FLT1: variants seen among roughly 807,000 people sequenced by gnomAD.
FLT1 encodes the protein vascular endothelial growth factor receptor 1.
In FLT1, 49 loss-of-function variants were observed where a neutral mutation model predicts 156.3. The observed-to-expected ratio is 0.31, with a 90% CI of 0.25 to 0.40. FLT1 has a LOEUF of 0.40. FLT1 is among the 10% of genes least tolerant of loss of function. The pLI is 1.00. For missense variants in FLT1, 1,322 were observed against 1,637.2 expected (o/e 0.81, Z 3.32); for synonymous variants, 594 against 583.8 (o/e 1.02, Z -0.25).
intron 25 of FLT1, among the ~76,000 whole-genome samples, chr13:28,315,068 G>T (rs548288885): frequency 6.6e-6 from 1 of 152,130 alleles, no homozygotes; most frequent in Admixed American, 6.5e-5. Context: ...AGCTGAATTC[G>T]CTTATTACCA....
intron 3 of FLT1, among the ~76,000 whole-genome samples, chr13:28,450,938 C>G (rs958162217): frequency 6.6e-6 from 1 of 152,174 alleles, no homozygotes; most frequent in Non-Finnish European, 1.5e-5. Flanking sequence ...CTTCAAATAT[C>G]CACACTCAGT....
chr13:28,316,590 T>C (rs950886637), intron 25 of FLT1, among the ~76,000 whole-genome samples: 2 of 151,556 alleles, frequency 1.3e-5, no homozygotes, highest in Non-Finnish European at 2.9e-5. Flanking sequence ...CGAAAAGCCA[T>C]CTGACCAGGC....
At chr13:28,435,848 A>G (rs1475337003) in intron 4 of FLT1, among the ~76,000 whole-genome samples, 1 of 152,210 alleles carries the variant, frequency 6.6e-6, no homozygotes, top group Non-Finnish European at 1.5e-5. Flanking sequence ...TCAAGGTGCT[A>G]CCTGTAAACT....
chr13:28,315,580 C>G (rs1461300036), intron 25 of FLT1, among the ~76,000 whole-genome samples: 1 of 152,012 alleles, frequency 6.6e-6, no homozygotes, highest in East Asian at 1.9e-4. Context: ...AAAAACCCAA[C>G]TAAACTAATT....
chr13:28,485,092 T>G (rs906159597), intron 1 of FLT1, among the ~76,000 whole-genome samples: 23 of 151,968 alleles, frequency 1.5e-4, no homozygotes, highest in Non-Finnish European at 2.6e-4. Flanking sequence ...AAAAGAAATA[T>G]TTGTCTGTAA....
At chr13:28,487,622 A>G (rs1417805621) in intron 1 of FLT1, among the ~76,000 whole-genome samples, 1 of 152,188 alleles carries the variant, frequency 6.6e-6, no homozygotes, top group African/African-American at 2.4e-5. Context: ...GTTAAGTGCA[A>G]ATACATTCCA....
intron 1 of FLT1, among the ~76,000 whole-genome samples, chr13:28,481,460 C>CAT (rs1251474064): frequency 1.3e-5 from 2 of 151,508 alleles, no homozygotes; most frequent in South Asian, 4.2e-4. Context: ...CACACACACA[C>CAT]ACACACACAC....
chr13:28,433,784 G>A, intron 6 of FLT1, 35 bp downstream of exon 6: 2 of 1,603,868 alleles, frequency 1.2e-6, no homozygotes, highest in Non-Finnish European at 1.7e-6. Flanking sequence ...TTAAAATACT[G>A]TCCTGCAGAA....
chr13:28,356,229 A>T (rs773139652), intron 15 of FLT1, among the ~76,000 whole-genome samples: 55 of 151,946 alleles, frequency 3.6e-4, no homozygotes, highest in Non-Finnish European at 7.5e-4. Context: ...TGTTGGGAGG[A>T]TATGGGGGAA....
rs748992048 is a variant in FLT1 at position 28,494,845 on chromosome 13, G to A, written c.-2C>T. ...CCCGGTGTCCCAGTAGCTGACCATG[G>A]TGAGCGCGACGCGGCCTGCTCGCCC... On this transcript the variant is annotated 5_prime_UTR_variant, in exon 1 of 30. Coordinates refer to ENST00000282397, the MANE Select transcript of FLT1 (RefSeq NM_002019.4). 3.2e-6 allele frequency: 5 copies of A among 1,556,178 alleles called. No individual in the cohort carries two copies. Among genetic ancestry groups the A allele is most frequent in the Non-Finnish European group, 4.3e-6 (5 of 1,157,208 alleles).
chr13:28,326,047 A>G (rs1226217452), intron 20 of FLT1, among the ~76,000 whole-genome samples: 1 of 152,144 alleles, frequency 6.6e-6, no homozygotes, highest in Non-Finnish European at 1.5e-5. Context: ...CAGACATTTT[A>G]TCCACCATGT....
At chr13:28,463,631 T>C (rs977833803) in intron 3 of FLT1, among the ~76,000 whole-genome samples, 1 of 152,224 alleles carries the variant, frequency 6.6e-6, no homozygotes, top group Non-Finnish European at 1.5e-5. Context: ...AGTTAATATC[T>C]AGCGAGTAAT....
intron 1 of FLT1, among the ~76,000 whole-genome samples, chr13:28,479,556 T>A (rs1880729263): frequency 6.6e-6 from 1 of 152,332 alleles, no homozygotes; most frequent in East Asian, 1.9e-4. Context: ...TATACAAGTT[T>A]TGCTGAGAGT....
At chr13:28,319,565 A>AG (rs1424966937) in intron 23 of FLT1, 31 bp from the exon 24 acceptor site, 2 of 1,366,020 alleles carry the variant, frequency 1.5e-6, no homozygotes, top group Non-Finnish European at 1.0e-6. Flanking sequence ...CTTGAGCAGA[A>AG]GGGCATGAAA....
chr13:28,458,121 G>C (rs1434117274), intron 3 of FLT1, among the ~76,000 whole-genome samples: 4 of 151,808 alleles, frequency 2.6e-5, no homozygotes, highest in Non-Finnish European at 4.4e-5. Flanking sequence ...ACTTTTAGTA[G>C]AGACGGGGTT....
intron 20 of FLT1, among the ~76,000 whole-genome samples, chr13:28,326,733 C>T (rs974615982): frequency 3.9e-5 from 6 of 152,014 alleles, no homozygotes; most frequent in Non-Finnish European, 7.4e-5. Flanking sequence ...ACCATGCTGG[C>T]CAGGCTGGTT....
intron 14 of FLT1, among the ~76,000 whole-genome samples, chr13:28,382,128 C>G (rs2137444455): frequency 6.6e-6 from 1 of 152,146 alleles, no homozygotes; most frequent in African/African-American, 2.4e-5. Context: ...TTTTAAAAGT[C>G]TCAGCAAGAG....
chr13:28,320,498 A>G (rs961344077), intron 23 of FLT1, among the ~76,000 whole-genome samples: 8 of 151,786 alleles, frequency 5.3e-5, no homozygotes, highest in African/African-American at 1.9e-4. Context: ...ATGCAGCCCG[A>G]CACAAATTCG....
chr13:28,351,567 G>A (rs1872734895), intron 15 of FLT1, among the ~76,000 whole-genome samples: 1 of 152,170 alleles, frequency 6.6e-6, no homozygotes, highest in South Asian at 2.1e-4. Context: ...CTTTATTACT[G>A]TCGATGAAGT....
Sources: allele counts gnomAD v4.1 joint callset (sites outside exome capture counted in the v4.1 genomes callset), GRCh38; gene constraint gnomAD v4.1.1; transcripts MANE v1.5; gene names NCBI Gene and HGNC (gene_info 2026-07-23, HGNC 2026-07-21).